Variants in PTPRG observed in about 807,000 individuals in gnomAD.
PTPRG encodes protein tyrosine phosphatase receptor type G.
A neutral mutation model predicts 165.3 loss-of-function variants in PTPRG; 102 were observed. That is an observed-to-expected ratio of 0.62 (90% CI 0.53 to 0.73). The LOEUF (loss-of-function observed/expected upper bound fraction) is 0.73, where lower values mean the gene tolerates loss of function less well. PTPRG is among the 30% of genes least tolerant of loss of function. The pLI, the probability that PTPRG is intolerant of heterozygous loss-of-function variation, is 0.00. For missense variants in PTPRG, 1,866 were observed against 1,861.4 expected (o/e 1.00, Z -0.05); for synonymous variants, 675 against 669.5 (o/e 1.01, Z -0.13).
rs551873627 is a variant in PTPRG, at chr3:62,016,598, T to A, written c.519+13101T>A. ...CAACACCATTTCTGACTTCAGTCAT[T>A]GCTATAGATTCTAAAAAAGGTCTCT... On this transcript the variant is annotated intron_variant, in intron 4 of 29. Transcript: ENST00000474889. Among the ~76,000 whole-genome samples, 6 of 152,372 alleles carry A rather than the reference T, an allele frequency of 3.9e-5. No individual in the cohort carries two copies. In the East Asian group the frequency reaches 1.2e-3, roughly 29 times the overall value.
chr3:61,966,487 G>T (rs568043910), intron 2 of PTPRG, among the ~76,000 whole-genome samples: 2 of 152,290 alleles, frequency 1.3e-5, no homozygotes, highest in African/African-American at 2.4e-5. Flanking sequence ...TTACAATGGG[G>T]TGTGCTGATG....
At chr3:61,771,261 A>C (rs1400514640) in intron 2 of PTPRG, 2 of 151,886 alleles carry the variant, frequency 1.3e-5, no homozygotes, top group African/African-American at 4.8e-5. Flanking sequence ...AGGTCAGAAA[A>C]TCTGCCAAGT....
chr3:61,999,785 A>G (rs1009104328), intron 3 of PTPRG, among the ~76,000 whole-genome samples: 1 of 152,232 alleles, frequency 6.6e-6, no homozygotes, highest in Non-Finnish European at 1.5e-5. Flanking sequence ...ACAAAAATAA[A>G]TCAATCTTGC....
chr3:62,008,749 C>T (rs1193412987), intron 4 of PTPRG, among the ~76,000 whole-genome samples: 1 of 152,172 alleles, frequency 6.6e-6, no homozygotes, highest in Non-Finnish European at 1.5e-5. Context: ...GTTGGATTCT[C>T]AAAAGGAGCA....
intron 1 of PTPRG, among the ~76,000 whole-genome samples, chr3:61,719,796 G>A (rs561814813): frequency 3.9e-5 from 6 of 152,226 alleles, no homozygotes; most frequent in African/African-American, 1.4e-4. Flanking sequence ...AGCGACCCTG[G>A]ACTTCTTGCT....
chr3:61,737,554 T>G (rs2032764745), intron 1 of PTPRG, among the ~76,000 whole-genome samples: 1 of 152,138 alleles, frequency 6.6e-6, no homozygotes, highest in African/African-American at 2.4e-5. Flanking sequence ...TAGATGGCGA[T>G]GGGCTATTGA....
chr3:61,600,239 A>G (rs1700825718), intron 1 of PTPRG, among the ~76,000 whole-genome samples: 2 of 146,738 alleles, frequency 1.4e-5, no homozygotes, highest in Admixed American at 6.9e-5. Flanking sequence ...AACTTTATAG[A>G]CAAGCAGGCA....
intron 3 of PTPRG, among the ~76,000 whole-genome samples, chr3:61,991,189 A>T (rs2040879549): frequency 6.6e-6 from 1 of 152,150 alleles, no homozygotes; most frequent in Non-Finnish European, 1.5e-5. Flanking sequence ...CTGGTGATCC[A>T]ATAATGTTAT....
intron 2 of PTPRG, chr3:61,753,643 G>C: frequency 2.3e-6 from 1 of 434,972 alleles, no homozygotes; most frequent in South Asian, 1.6e-5. Flanking sequence ...GGAGTGCAGT[G>C]CCTCGATCTC....
chr3:61,599,525 C>A (rs530563991), intron 1 of PTPRG, among the ~76,000 whole-genome samples: 2 of 152,220 alleles, frequency 1.3e-5, no homozygotes, highest in South Asian at 4.1e-4. Context: ...CAGGGTCTAG[C>A]TCTGTCGTCC....
intron 1 of PTPRG, among the ~76,000 whole-genome samples, chr3:61,624,844 AG>A (rs2106911421): frequency 6.6e-6 from 1 of 152,290 alleles, no homozygotes; most frequent in Admixed American, 6.5e-5. Context: ...TTTATTTGCT[AG>A]GGTTGTCATA....
At chr3:61,660,614 A>T (rs1467225395) in intron 1 of PTPRG, among the ~76,000 whole-genome samples, 1 of 152,176 alleles carries the variant, frequency 6.6e-6, no homozygotes, top group Non-Finnish European at 1.5e-5. Flanking sequence ...TGGTATCAGG[A>T]TTAAAAGACC....
intron 14 of PTPRG, among the ~76,000 whole-genome samples, chr3:62,235,767 A>T (rs1164643330): frequency 6.6e-6 from 1 of 152,104 alleles, no homozygotes; most frequent in Non-Finnish European, 1.5e-5. Context: ...TTTTTGAAAC[A>T]TTCTCTCCTC....
At chr3:61,753,135 A>T (rs2033508630) in intron 2 of PTPRG, among the ~76,000 whole-genome samples, 1 of 152,204 alleles carries the variant, frequency 6.6e-6, no homozygotes, top group Non-Finnish European at 1.5e-5. Flanking sequence ...TTCATCTGCT[A>T]GTAAAAAAGG....
At position 62,277,451 on chromosome 3, in the gene PTPRG, G is replaced by T. The variant is rs1702267328; in HGVS notation, c.3637-100G>T. On this transcript the variant is annotated intron_variant, in intron 25 of 29. Coordinates refer to ENST00000474889, the MANE Select transcript of PTPRG (RefSeq NM_002841.4). ...TGCCTTTCTCAATTATTTTAGTGTA[G>T]TCAAAACAGTGCTATCTTATTTCAT... The T allele has an allele frequency of 7.4e-6, 10 of 1,347,144 alleles. No homozygotes were observed. In the South Asian group the frequency reaches 9.1e-5, roughly 12 times the overall value. The allele number at this position is 1,347,144 out of a possible 1,614,324, so 83.4% of individuals were successfully genotyped here.
chr3:62,017,986 C>G lies in PTPRG; in HGVS notation c.519+14489C>G, dbSNP rs551770078. On this transcript the variant is annotated intron_variant, in intron 4 of 29. Transcript: ENST00000474889. ...TGCTGCATTTCTCTGCAGGTTTGTTCGCTAGAAGCCTCTCCAGTGCCCACA... is the reference window on the plus strand; with the variant it reads ...TGCTGCATTTCTCTGCAGGTTTGTTGGCTAGAAGCCTCTCCAGTGCCCACA... Among the ~76,000 whole-genome samples the G allele has an allele frequency of 2.0e-5, 3 of 152,262 alleles. No homozygotes were observed. In the East Asian group the frequency reaches 5.8e-4, roughly 30 times the overall value.
At chr3:61,820,089 T>G (rs1049049047) in intron 2 of PTPRG, among the ~76,000 whole-genome samples, 1 of 152,112 alleles carries the variant, frequency 6.6e-6, no homozygotes, top group African/African-American at 2.4e-5. Context: ...TTTGAAATTT[T>G]AGTAGATATG....
chr3:62,181,964 G>C (rs1367723801), intron 8 of PTPRG, among the ~76,000 whole-genome samples: 1 of 152,126 alleles, frequency 6.6e-6, no homozygotes, highest in Non-Finnish European at 1.5e-5. Context: ...TAATACTTAA[G>C]CCTTACCAGT....
chr3:62,116,649 G>T (rs1702879123), intron 5 of PTPRG, among the ~76,000 whole-genome samples: 2 of 152,162 alleles, frequency 1.3e-5, no homozygotes, highest in Admixed American at 6.5e-5. Context: ...TAGAGTTCTG[G>T]AAATTTTTGT....
Sources: allele counts gnomAD v4.1 joint callset (sites outside exome capture counted in the v4.1 genomes callset), GRCh38; gene constraint gnomAD v4.1.1; transcripts MANE v1.5; gene names NCBI Gene and HGNC (gene_info 2026-07-23, HGNC 2026-07-21).